The following FBXW8 variants were observed in gnomAD, a reference collection of about 807,000 sequenced individuals.
The protein encoded by FBXW8 is F-box and WD repeat domain containing 8, also known as F-box/WD repeat-containing protein 8.
A neutral mutation model predicts 65.3 loss-of-function variants in FBXW8; 57 were observed. The ratio of observed to expected loss-of-function variants is 0.87; its 90% confidence interval spans 0.71 to 1.09. The LOEUF (loss-of-function observed/expected upper bound fraction) is 1.09. Ranked by LOEUF, FBXW8 falls within the 50% of genes least tolerant of loss-of-function variation. FBXW8 has a pLI of 0.00. For synonymous variants in FBXW8, 308 were observed against 330.2 expected (o/e 0.93, Z 0.73); for missense variants, 777 against 814.8 (o/e 0.95, Z 0.57).
chr12:116,931,258 A>C (rs866571028), intron 2 of FBXW8, among the ~76,000 whole-genome samples: 4 of 152,226 alleles, frequency 2.6e-5, no homozygotes, highest in African/African-American at 9.6e-5. Context: ...TTTTTATGCC[A>C]GTGACATGCT....
At chr12:117,027,092 T>G (rs765748934) in intron 9 of FBXW8, among the ~76,000 whole-genome samples, 100 of 152,292 alleles carry the variant, frequency 6.6e-4, no homozygotes, top group Non-Finnish European at 1.1e-3. Flanking sequence ...ATGTGGCTGA[T>G]TCGTCTGCAG....
intron 1 of FBXW8, among the ~76,000 whole-genome samples, chr12:116,925,111 A>T (rs1881217807): frequency 1.3e-5 from 2 of 152,072 alleles, no homozygotes; most frequent in South Asian, 4.1e-4. Flanking sequence ...CAAAAAATAG[A>T]TTCTGAAATG....
intron 5 of FBXW8, among the ~76,000 whole-genome samples, chr12:116,965,924 A>AG (rs776154454): frequency 2.4e-4 from 14 of 57,346 alleles, no homozygotes; most frequent in Admixed American, 1.1e-3. Context: ...ATGCCCAGCT[A>AG]ATTTTTTTTT....
chr12:116,995,187 G>A (rs764516697), intron 7 of FBXW8, among the ~76,000 whole-genome samples: 2 of 152,214 alleles, frequency 1.3e-5, no homozygotes, highest in Non-Finnish European at 2.9e-5. Flanking sequence ...GGCCAGTGTC[G>A]TGGTGGCAAG....
Position 116,949,613 on chromosome 12 carries a change from C to G in FBXW8, c.589-5C>G. The G allele has an allele frequency of 6.2e-7, 1 of 1,614,126 alleles. No individual in the cohort carries two copies. The highest frequency in any genetic ancestry group is 1.1e-5 in the South Asian group (1 of 91,082). ...CTAAACTGCATCCCCCTTTTCCTCACGCAGAATCGCAAAGGTGCCGTGAGC... is the reference window on the plus strand; with the variant it reads ...CTAAACTGCATCCCCCTTTTCCTCAGGCAGAATCGCAAAGGTGCCGTGAGC... On this transcript the variant is annotated splice_polypyrimidine_tract_variant and splice_region_variant and intron_variant, in intron 3 of 10. Coordinates refer to ENST00000652555, the MANE Select transcript of FBXW8 (RefSeq NM_153348.3).
At chr12:116,948,505 A>T (rs1435602170) in intron 3 of FBXW8, among the ~76,000 whole-genome samples, 2 of 152,144 alleles carry the variant, frequency 1.3e-5, no homozygotes, top group Admixed American at 6.5e-5. Context: ...TAATGGAATG[A>T]TGTCATCTTT....
At chr12:116,969,905 G>C (rs1022815198) in intron 5 of FBXW8, among the ~76,000 whole-genome samples, 8 of 152,060 alleles carry the variant, frequency 5.3e-5, no homozygotes, top group African/African-American at 1.7e-4. Context: ...TATTTCTTCT[G>C]CCTTGTTTCC....
Position 117,028,175 on chromosome 12 carries a change from A to T in FBXW8, c.*3A>T, listed in dbSNP as rs577786272. On this transcript the variant is annotated 3_prime_UTR_variant, in exon 11 of 11. Coordinates refer to ENST00000652555, the MANE Select transcript of FBXW8 (RefSeq NM_153348.3). This position sits in a 1 kb window ranked among gnomAD's most constrained non-coding sequence, Gnocchi z 4.1. The stretch of plus-strand genomic sequence containing the variant: ...CCTTTCCCTATAACCATGTTTAGGG[A>T]TGTGCCTCAGTTGGGAGCAAGGAGA... The T allele has an allele frequency of 4.4e-5, 71 of 1,613,774 alleles. No homozygotes were observed. In the East Asian group the frequency reaches 1.6e-3, roughly 35 times the overall value.
chr12:116,935,284 T>A (rs1330041926), intron 2 of FBXW8, among the ~76,000 whole-genome samples: 2 of 152,176 alleles, frequency 1.3e-5, no homozygotes, highest in African/African-American at 4.8e-5. Flanking sequence ...TTATGGTATT[T>A]CAAGTTTCAA....
At position 117,028,032 on chromosome 12, in the gene FBXW8, C is replaced by T. The variant is rs199668216; in HGVS notation, c.1657C>T (p.Arg553Trp). The change falls in exon 11 of 11, where the codon CGG becomes TGG. Residue 553 changes from arginine to tryptophan, a missense_variant. Coordinates refer to ENST00000652555, the MANE Select transcript of FBXW8 (RefSeq NM_153348.3). This position sits in a 1 kb window ranked among gnomAD's most constrained non-coding sequence, Gnocchi z 4.1. ...CCATCTTTGTGCTCTTTCTAGACAC[C>T]GGGGGCTGATCCGCGCCTATGAGTT... The part of the protein sequence containing the change: ...LDSFTTHRRH[R>W]GLIRAYEFAV... 159 of 1,613,902 alleles carry T rather than the reference C, an allele frequency of 9.9e-5. No individual in the cohort carries two copies. The East Asian group carries it at 2.1e-3, about 22-fold the overall frequency.
intron 2 of FBXW8, among the ~76,000 whole-genome samples, chr12:116,934,301 G>A (rs1363439342): frequency 6.6e-6 from 1 of 152,156 alleles, no homozygotes; most frequent in East Asian, 1.9e-4. Flanking sequence ...GTTGTCCCTC[G>A]AGGGACTTAA....
chr12:116,943,813 C>T (rs969565638), intron 2 of FBXW8, among the ~76,000 whole-genome samples: 25 of 152,234 alleles, frequency 1.6e-4, no homozygotes, highest in African/African-American at 6.0e-4. Context: ...CAGCCTCTAA[C>T]AGCCCCAGCT....
rs11068230 is a variant in FBXW8 at position 116,911,209 on chromosome 12, C to T, written c.172C>T (p.Arg58Cys). 7.9e-7 allele frequency: 1 copy of T among 1,269,120 alleles called. No homozygotes were observed. The highest frequency in any genetic ancestry group is 4.2e-5 in the Admixed American group (1 of 23,688). 78.6% of individuals were successfully genotyped at this position (1,269,120 alleles called of 1,614,324 possible). ...QASGDPALAQ[R>C]LLEGAGRPPA... ...CTCGGGGGACCCGGCGCTGGCCCAGCGTCTCCTGGAGGGCGCGGGGAGGCC... is the reference window on the plus strand; with the variant it reads ...CTCGGGGGACCCGGCGCTGGCCCAGTGTCTCCTGGAGGGCGCGGGGAGGCC... The change falls in exon 1 of 11, where the codon CGT becomes TGT. Residue 58 changes from arginine (R) to cysteine (C), a missense_variant. Physicochemically the swap from Arg to Cys is radical, Grantham distance 180. Coordinates refer to ENST00000652555, the MANE Select transcript of FBXW8 (RefSeq NM_153348.3).
chr12:116,976,187 A>G (rs577381724), intron 5 of FBXW8, among the ~76,000 whole-genome samples: 34 of 152,338 alleles, frequency 2.2e-4, no homozygotes, highest in African/African-American at 7.7e-4. Context: ...ATGCCATTTA[A>G]AAACAATGTT....
intron 8 of FBXW8, among the ~76,000 whole-genome samples, chr12:117,015,726 T>G (rs187464595): frequency 5.3e-5 from 8 of 152,180 alleles, no homozygotes; most frequent in African/African-American, 1.9e-4. Flanking sequence ...CCAATTTAAA[T>G]TGTACAATTC....
At position 116,911,215 on chromosome 12, in the gene FBXW8, C is replaced by CT. The variant is rs1274794731; in HGVS notation, c.179dup (p.Glu61GlyfsTer48). 17 of 1,248,514 alleles carry CT rather than the reference C, an allele frequency of 1.4e-5. No homozygotes were observed. The highest frequency in any genetic ancestry group is 1.4e-5 in the Non-Finnish European group (14 of 999,652). The allele number at this position is 1,248,514 out of a possible 1,614,324, so 77.3% of individuals were successfully genotyped here. A position where few individuals can be genotyped will look rare whatever the true frequency, so the allele number is the denominator to read the frequency against. ...GGACCCGGCGCTGGCCCAGCGTCTC[C>CT]TGGAGGGCGCGGGGAGGCCCCCGGC... is the stretch of plus-strand genomic sequence containing the variant. On this transcript the variant is annotated frameshift_variant, in exon 1 of 11. Coordinates refer to ENST00000652555, the MANE Select transcript of FBXW8 (RefSeq NM_153348.3). LOFTEE classifies it high-confidence loss of function.
intron 4 of FBXW8, among the ~76,000 whole-genome samples, chr12:116,957,517 A>G (rs116936267): frequency 0.015 from 2,301 of 152,296 alleles, 53 homozygotes; most frequent in African/African-American, 0.046. Context: ...TTTTATATGT[A>G]TGTGTGAAAA....
At chr12:116,942,302 CTT>C (rs543764887) in intron 2 of FBXW8, among the ~76,000 whole-genome samples, 2 of 151,054 alleles carry the variant, frequency 1.3e-5, no homozygotes, top group East Asian at 3.9e-4. Flanking sequence ...ATTACAGACT[CTT>C]TTTTTTCCTT....
chr12:116,918,536 C>G (rs1466679236), intron 1 of FBXW8, among the ~76,000 whole-genome samples: 1 of 152,198 alleles, frequency 6.6e-6, no homozygotes, highest in African/African-American at 2.4e-5. Context: ...CACAGACAGG[C>G]TTTCCTCTTG....
Sources: allele counts gnomAD v4.1 joint callset (sites outside exome capture counted in the v4.1 genomes callset), GRCh38; gene constraint gnomAD v4.1.1; non-coding constraint Gnocchi (gnomAD v3.1); transcripts MANE v1.5; gene names NCBI Gene and HGNC (gene_info 2026-07-23, HGNC 2026-07-21).